LHFPL3: variants seen among roughly 807,000 people sequenced by gnomAD.
LHFPL3 encodes LHFPL tetraspan subfamily member 3 protein.
In LHFPL3, 5 loss-of-function variants were observed where a neutral mutation model predicts 19.3. That is an observed-to-expected ratio of 0.26 (90% confidence interval 0.14 to 0.54). LHFPL3 has a LOEUF of 0.54. Ranked by LOEUF, LHFPL3 falls within the 20% of genes least tolerant of loss-of-function variation. LHFPL3 has a pLI of 0.94. For synonymous variants in LHFPL3, 133 were observed against 126.2 expected, an observed-to-expected ratio of 1.05 and a Z score of -0.36; for missense variants, 249 against 307.4, an observed-to-expected ratio of 0.81 and a Z score of 1.42.
chr7:104,425,139 T>TG (rs1791819441), intron 1 of LHFPL3, among the ~76,000 whole-genome samples: 2 of 151,554 alleles, frequency 1.3e-5, no homozygotes, highest in Admixed American at 6.6e-5. Flanking sequence ...CACTACATAG[T>TG]AGGGCCCAGT....
intron 2 of LHFPL3, among the ~76,000 whole-genome samples, chr7:104,893,527 A>C (rs933124293): frequency 1.3e-5 from 2 of 152,116 alleles, no homozygotes; most frequent in African/African-American, 4.8e-5. Context: ...ATCTCAAAAA[A>C]AAAAATTAAA....
intron 2 of LHFPL3, among the ~76,000 whole-genome samples, chr7:104,779,718 T>A (rs984595959): frequency 6.6e-6 from 1 of 152,242 alleles, no homozygotes; most frequent in Non-Finnish European, 1.5e-5. Flanking sequence ...TGAACACTGA[T>A]TCAGCACTGA....
At position 104,614,608 on chromosome 7, in the gene LHFPL3, C is replaced by CTTCTT. The variant is rs1393220078; in HGVS notation, c.446-122063_446-122062insTTTCT. ...TCTTCTCTCTCTTCTCTTCTCTTCT[C>CTTCTT]TTCTCTTCTCTTCTCTTCTCTTCTC... On this transcript the variant is annotated intron_variant, in intron 1 of 2. Transcript: ENST00000424859. Among the ~76,000 whole-genome samples the CTTCTT allele has an allele frequency of 9.3e-5, 12 of 128,908 alleles. No individual in the cohort carries two copies. In the South Asian group the frequency reaches 1.8e-3, roughly 20 times the overall value. 84.6% of individuals were successfully genotyped at this position (128,908 alleles called of 152,430 possible).
chr7:104,350,816 A>C (rs4729997), intron 1 of LHFPL3, among the ~76,000 whole-genome samples: 1 of 151,500 alleles, frequency 6.6e-6, no homozygotes, highest in Non-Finnish European at 1.5e-5. Flanking sequence ...GAGGTGGGTG[A>C]ATTCCCTGAG....
intron 1 of LHFPL3, among the ~76,000 whole-genome samples, chr7:104,360,438 G>T (rs1168164924): frequency 2.0e-5 from 3 of 152,146 alleles, no homozygotes; most frequent in Non-Finnish European, 4.4e-5. Flanking sequence ...TAAGGTAAAT[G>T]CATCCAGATA....
rs137913948 is a variant in LHFPL3 at position 104,360,392 on chromosome 7, A to G, written c.445+31168A>G. 2.2e-3 allele frequency among the ~76,000 whole-genome samples: 338 copies of G among 152,340 alleles called. 1 individual carries two copies. The highest frequency in any genetic ancestry group is 7.8e-3 in the African/African-American group (324 of 41,584). ...TATCGTACCTGGCACAGAACTTGCC[A>G]TAAAGTAAGATCTTAATGAATGCTT... On this transcript the variant is annotated intron_variant, in intron 1 of 2. Coordinates refer to ENST00000424859, the MANE Select transcript of LHFPL3 (RefSeq NM_199000.3).
intron 1 of LHFPL3, among the ~76,000 whole-genome samples, chr7:104,731,062 G>A (rs185860267): frequency 2.6e-5 from 4 of 152,270 alleles, no homozygotes; most frequent in Admixed American, 1.3e-4. Context: ...TTGTAGATGT[G>A]TGGTATTATT....
At chr7:104,871,431 G>T (rs1266646487) in intron 2 of LHFPL3, among the ~76,000 whole-genome samples, 4 of 152,170 alleles carry the variant, frequency 2.6e-5, no homozygotes, top group Non-Finnish European at 5.9e-5. Flanking sequence ...AATGGTGAAT[G>T]AATGTGAAGG....
intron 1 of LHFPL3, among the ~76,000 whole-genome samples, chr7:104,578,076 T>C (rs1790377125): frequency 6.6e-6 from 1 of 152,176 alleles, no homozygotes; most frequent in Non-Finnish European, 1.5e-5. Flanking sequence ...AAAGGAAAAT[T>C]ATTTAAGGTG....
chr7:104,436,338 G>A (rs1041998938), intron 1 of LHFPL3, among the ~76,000 whole-genome samples: 2 of 152,024 alleles, frequency 1.3e-5, no homozygotes, highest in African/African-American at 4.8e-5. Flanking sequence ...ACCCTATGAG[G>A]CATGTATCTT....
intron 2 of LHFPL3, among the ~76,000 whole-genome samples, chr7:104,836,468 G>A (rs1427961232): frequency 6.6e-6 from 1 of 152,144 alleles, no homozygotes; most frequent in Non-Finnish European, 1.5e-5. Flanking sequence ...AGCCCACGCA[G>A]CCACGCAGGA....
At chr7:104,864,573 G>A (rs1791684806) in intron 2 of LHFPL3, among the ~76,000 whole-genome samples, 1 of 152,154 alleles carries the variant, frequency 6.6e-6, no homozygotes, top group Non-Finnish European at 1.5e-5. Context: ...TGGGGGAGGG[G>A]CGCCCGCCAT....
intron 1 of LHFPL3, among the ~76,000 whole-genome samples, chr7:104,671,613 A>C (rs1792485203): frequency 6.6e-6 from 1 of 151,782 alleles, no homozygotes. Context: ...AAAAATACAG[A>C]CTTTTCCACT....
chr7:104,429,759 G>A (rs1268387604), intron 1 of LHFPL3, among the ~76,000 whole-genome samples: 1 of 152,230 alleles, frequency 6.6e-6, no homozygotes. Context: ...GAGTTGTTTT[G>A]AAGTTTAAAT....
chr7:104,776,296 A>G (rs548814982), intron 2 of LHFPL3, among the ~76,000 whole-genome samples: 3 of 152,314 alleles, frequency 2.0e-5, no homozygotes, highest in African/African-American at 7.2e-5. Context: ...TCTAGAAACC[A>G]CACCCACAAT....
chr7:104,441,452 A>G (rs1464953583), intron 1 of LHFPL3, among the ~76,000 whole-genome samples: 1 of 152,162 alleles, frequency 6.6e-6, no homozygotes, highest in African/African-American at 2.4e-5. Flanking sequence ...GTATGTAAAT[A>G]TTACATTTTC....
chr7:104,813,275 C>T lies in LHFPL3; in HGVS notation c.682+76364C>T, dbSNP rs1790507723. ...CCTGGGAAACAGAGTGAGATCCTGTCCCAAAAAAGTAAAAATAAAGAATAC... is the reference window on the plus strand; with the variant it reads ...CCTGGGAAACAGAGTGAGATCCTGTTCCAAAAAAGTAAAAATAAAGAATAC... On this transcript the variant is annotated intron_variant, in intron 2 of 2. Coordinates refer to ENST00000424859, the MANE Select transcript of LHFPL3 (RefSeq NM_199000.3). Among the ~76,000 whole-genome samples, 3 of 50,688 alleles carry T rather than the reference C, an allele frequency of 5.9e-5. No homozygotes were observed. In the South Asian group the frequency reaches 2.4e-3, roughly 40 times the overall value. The allele number at this position is 50,688 out of a possible 152,430, so 33.3% of individuals were successfully genotyped here.
intron 2 of LHFPL3, among the ~76,000 whole-genome samples, chr7:104,823,003 G>A (rs146508419): frequency 3.3e-5 from 5 of 152,136 alleles, no homozygotes; most frequent in East Asian, 3.9e-4. Flanking sequence ...CTCCAGAGCC[G>A]TACGCTCTGC....
chr7:104,833,118 G>A (rs1288433602), intron 2 of LHFPL3, among the ~76,000 whole-genome samples: 2 of 21,120 alleles, frequency 9.5e-5, no homozygotes, highest in Non-Finnish European at 2.0e-4. Flanking sequence ...ATATCCTGAG[G>A]AGGATATATA....
Sources: allele counts gnomAD v4.1 joint callset (sites outside exome capture counted in the v4.1 genomes callset), GRCh38; gene constraint gnomAD v4.1.1; transcripts MANE v1.5; gene names NCBI Gene and HGNC (gene_info 2026-07-23, HGNC 2026-07-21).